Variants in ZSWIM5 observed in about 807,000 individuals in gnomAD.
ZSWIM5 encodes zinc finger SWIM-type containing 5.
A neutral mutation model predicts 119.6 loss-of-function variants in ZSWIM5; 55 were observed. The ratio of observed to expected loss-of-function variants is 0.46; its 90% CI spans 0.37 to 0.58. ZSWIM5 has a LOEUF of 0.58. ZSWIM5 is among the 20% of genes least tolerant of loss of function. ZSWIM5 has a pLI of 0.00. For synonymous variants in ZSWIM5, 537 were observed against 606.9 expected, an observed-to-expected ratio of 0.88 and a Z score of 1.69; for missense variants, 1,193 against 1,512.8, an observed-to-expected ratio of 0.79 and a Z score of 3.51.
chr1:45,091,073 G>A (rs536541957), intron 1 of ZSWIM5, among the ~76,000 whole-genome samples: 1 of 152,160 alleles, frequency 6.6e-6, no homozygotes, highest in African/African-American at 2.4e-5. Context: ...CCTCTCAAAA[G>A]TACTCTGTAA....
chr1:45,085,819 T>G (rs1645326070), intron 2 of ZSWIM5, among the ~76,000 whole-genome samples: 1 of 152,184 alleles, frequency 6.6e-6, no homozygotes, highest in Non-Finnish European at 1.5e-5. Context: ...TCTAGGAAGC[T>G]CCAAACTTTC....
At position 45,137,440 on chromosome 1, in the gene ZSWIM5, A is replaced by G. The variant is rs111708918; in HGVS notation, c.596-49203T>C. ...ACAAAAAATAAGTAAATTGCAGTATATTAGAAGACAACTGCTATAGAAAAA... is the reference window on the plus strand; with the variant it reads ...ACAAAAAATAAGTAAATTGCAGTATGTTAGAAGACAACTGCTATAGAAAAA... On this transcript the variant is annotated intron_variant, in intron 1 of 13. Coordinates refer to ENST00000359600, the MANE Select transcript of ZSWIM5 (RefSeq NM_020883.2). Among the ~76,000 whole-genome samples the G allele has an allele frequency of 9.9e-3, 1,508 of 152,336 alleles. 30 individuals carry two copies. The highest frequency in any genetic ancestry group is 0.035 in the African/African-American group (1,446 of 41,574).
At chr1:45,156,004 A>G (rs1205919177) in intron 1 of ZSWIM5, among the ~76,000 whole-genome samples, 1 of 152,164 alleles carries the variant, frequency 6.6e-6, no homozygotes, top group Non-Finnish European at 1.5e-5. Flanking sequence ...CATGTAATCA[A>G]ATACCATCTG....
At chr1:45,059,886 G>A (rs1357927411) in intron 3 of ZSWIM5, among the ~76,000 whole-genome samples, 1 of 152,142 alleles carries the variant, frequency 6.6e-6, no homozygotes, top group Non-Finnish European at 1.5e-5. Context: ...AGAGAGCAGA[G>A]CAGAAGGAAC....
At chr1:45,106,563 C>T (rs1043493432) in intron 1 of ZSWIM5, among the ~76,000 whole-genome samples, 28 of 147,282 alleles carry the variant, frequency 1.9e-4, no homozygotes, top group African/African-American at 6.8e-4. Context: ...AGCGCCTCTG[C>T]CCAGCTGCCA....
intron 1 of ZSWIM5, among the ~76,000 whole-genome samples, chr1:45,114,174 C>A (rs1342171058): frequency 1.3e-5 from 2 of 152,122 alleles, no homozygotes; most frequent in Non-Finnish European, 2.9e-5. Flanking sequence ...TGGAAGAAAT[C>A]AACCTAAATA....
chr1:45,181,174 T>G (rs565961809), intron 1 of ZSWIM5, among the ~76,000 whole-genome samples: 3 of 152,144 alleles, frequency 2.0e-5, no homozygotes, highest in Non-Finnish European at 4.4e-5. Context: ...GCAAAGAAGT[T>G]GAAAACCTTG....
intron 5 of ZSWIM5, 137 bp downstream of exon 5, chr1:45,050,937 A>G (rs988371261): frequency 3.5e-6 from 3 of 862,114 alleles, no homozygotes; most frequent in Non-Finnish European, 5.3e-6. Flanking sequence ...TTCAAGATGA[A>G]TAAAAACACA....
At chr1:45,178,357 G>A (rs761428875) in intron 1 of ZSWIM5, among the ~76,000 whole-genome samples, 5 of 152,110 alleles carry the variant, frequency 3.3e-5, no homozygotes, top group Non-Finnish European at 5.9e-5. Flanking sequence ...CTGGGAGGTG[G>A]AGGATGCAGT....
chr1:45,162,571 C>T (rs960794057), intron 1 of ZSWIM5, among the ~76,000 whole-genome samples: 3 of 152,220 alleles, frequency 2.0e-5, no homozygotes, highest in Non-Finnish European at 4.4e-5. Flanking sequence ...CTTTCCTAGC[C>T]AAGGGAAGCG....
chr1:45,145,274 A>G (rs1339648698), intron 1 of ZSWIM5, among the ~76,000 whole-genome samples: 1 of 151,312 alleles, frequency 6.6e-6, no homozygotes, highest in Non-Finnish European at 1.5e-5. Flanking sequence ...TTAAATATAC[A>G]CTTACTTACC....
intron 1 of ZSWIM5, among the ~76,000 whole-genome samples, chr1:45,174,770 C>T (rs149327071): frequency 1.7e-4 from 26 of 151,928 alleles, no homozygotes; most frequent in African/African-American, 6.3e-4. Flanking sequence ...CATATTTATC[C>T]CTTTTTATTT....
intron 1 of ZSWIM5, among the ~76,000 whole-genome samples, chr1:45,107,641 CAAAA>C (rs931372052): frequency 0.04 from 2,708 of 68,550 alleles, 90 homozygotes; most frequent in African/African-American, 0.13. Flanking sequence ...GACTCTGTCT[CAAAA>C]AAAAAAAAAA....
intron 1 of ZSWIM5, among the ~76,000 whole-genome samples, chr1:45,192,005 T>A (rs1252965330): frequency 6.6e-6 from 1 of 152,162 alleles, no homozygotes; most frequent in Non-Finnish European, 1.5e-5. Flanking sequence ...CCCATACCCA[T>A]TAGTAATCAC....
At chr1:45,055,550 A>C (rs1279377865) in intron 4 of ZSWIM5, among the ~76,000 whole-genome samples, 1 of 152,224 alleles carries the variant, frequency 6.6e-6, no homozygotes, top group Non-Finnish European at 1.5e-5. Flanking sequence ...GATGTTTCTT[A>C]GAAGTGATGG....
At chr1:45,021,518 G>A (rs1644887615) in intron 11 of ZSWIM5, among the ~76,000 whole-genome samples, 1 of 152,210 alleles carries the variant, frequency 6.6e-6, no homozygotes, top group Non-Finnish European at 1.5e-5. Context: ...AACATCATAT[G>A]AGGTGAAGGT....
At chr1:45,030,180 G>A (rs1644943476) in intron 11 of ZSWIM5, among the ~76,000 whole-genome samples, 1 of 152,116 alleles carries the variant, frequency 6.6e-6, no homozygotes, top group African/African-American at 2.4e-5. Flanking sequence ...CTGTCCTCTA[G>A]TGATCTTCCC....
chr1:45,183,698 GGAA>G (rs1646037638), intron 1 of ZSWIM5, among the ~76,000 whole-genome samples: 1 of 152,164 alleles, frequency 6.6e-6, no homozygotes. Context: ...GACTAAACCA[GGAA>G]GAAGTTGAAT....
At chr1:45,185,952 G>A (rs569240866) in intron 1 of ZSWIM5, among the ~76,000 whole-genome samples, 272 of 152,194 alleles carry the variant, frequency 1.8e-3, no homozygotes, top group Non-Finnish European at 2.0e-3. Flanking sequence ...ACATGCACAC[G>A]TATGTTTATT....
Sources: allele counts gnomAD v4.1 joint callset (sites outside exome capture counted in the v4.1 genomes callset), GRCh38; gene constraint gnomAD v4.1.1; transcripts MANE v1.5; gene names NCBI Gene and HGNC (gene_info 2026-07-23, HGNC 2026-07-21).